Variants in SPTAN1 observed in about 807,000 individuals in gnomAD.
SPTAN1 encodes spectrin alpha chain, non-erythrocytic 1.
A neutral mutation model predicts 331.3 loss-of-function variants in SPTAN1; 61 were observed. The ratio of observed to expected loss-of-function variants is 0.18; its 90% CI spans 0.15 to 0.23. The LOEUF is 0.23. Among genes scored for constraint, SPTAN1 ranks in the 10% least tolerant of loss-of-function variants. The probability of loss-of-function intolerance (pLI) is 1.00; values close to 1 mark genes in which losing one functional copy is unlikely to be tolerated. For missense variants in SPTAN1, 2,043 were observed against 3,147.9 expected, an observed-to-expected ratio of 0.65 and a Z score of 8.40; for synonymous variants, 1,153 against 1,173.9, an observed-to-expected ratio of 0.98 and a Z score of 0.36.
At position 128,575,292 on chromosome 9, in the gene SPTAN1, G is replaced by A; in HGVS notation, c.598G>A (p.Ala200Thr). Reference protein sequence around the residue: ...KFEEFQTDMAAHEERVNEVNQ... With the variant: ...KFEEFQTDMATHEERVNEVNQ... ...TGAAGAGTTTCAAACAGATATGGCT[G>A]CTCATGAAGAAAGAGTTAATGAAGT... Residue 200 changes from alanine to threonine, a missense_variant, in exon 5 of 57, where the codon GCT (alanine) becomes ACT (threonine). Ala to Thr is a moderately conservative substitution (Grantham distance 58, BLOSUM62 0). Transcript: ENST00000372739. The A allele has an allele frequency of 6.2e-7, 1 of 1,614,036 alleles. No individual in the cohort carries two copies. The highest frequency in any genetic ancestry group is 8.5e-7 in the Non-Finnish European group (1 of 1,180,032).
rs1246247993 is a variant in SPTAN1, at chr9:128,583,781, T to C, written c.2012-7T>C. The C allele has an allele frequency of 6.2e-7, 1 of 1,614,202 alleles. No homozygotes were observed. The highest frequency in any genetic ancestry group is 2.2e-5 in the East Asian group (1 of 44,888). The stretch of plus-strand genomic sequence containing the variant: ...CAGTACAAAATTAAACTTGTTTTCT[T>C]CCATAGGAATAAAGCTTCGTGAAGC... On this transcript the variant is annotated splice_region_variant and splice_polypyrimidine_tract_variant and intron_variant, in intron 15 of 56. Coordinates refer to ENST00000372739, the MANE Select transcript of SPTAN1 (RefSeq NM_001130438.3).
chr9:128,630,130 C>G (rs758124433), intron 51 of SPTAN1, 191 bp from the exon 52 acceptor site: 2 of 763,296 alleles, frequency 2.6e-6, no homozygotes, highest in South Asian at 2.7e-5. Flanking sequence ...ATCTCTAAAA[C>G]GGGAGAAATG....
chr9:128,601,370 G>C (rs1426850112), intron 27 of SPTAN1: 1 of 152,090 alleles, frequency 6.6e-6, no homozygotes, highest in Non-Finnish European at 1.5e-5. Flanking sequence ...TCCTGACCCA[G>C]CTCTTCAGGA....
chr9:128,576,434 T>C (rs1290128999), intron 5 of SPTAN1, among the ~76,000 whole-genome samples: 1 of 152,206 alleles, frequency 6.6e-6, no homozygotes, highest in African/African-American at 2.4e-5. Flanking sequence ...CCGAAAATTA[T>C]GTTTATGTGC....
chr9:128,627,977 A>T lies in SPTAN1; in HGVS notation c.6707+35A>T, dbSNP rs751477608. Reference sequence around the variant, plus strand: ...GTTTTCTTCCTTCTCTGGGCTTGTCATGTGGGGGTCTCGTGCGCTTGCCCC... The same window carrying T: ...GTTTTCTTCCTTCTCTGGGCTTGTCTTGTGGGGGTCTCGTGCGCTTGCCCC... On this transcript the variant is annotated intron_variant, in intron 51 of 56. Transcript: ENST00000372739. This position sits in a 1 kb window ranked among gnomAD's most constrained non-coding sequence, Gnocchi z 4.9. 2 of 1,613,890 alleles carry T rather than the reference A, an allele frequency of 1.2e-6. No individual in the cohort carries two copies. The highest frequency in any genetic ancestry group is 1.3e-5 in the African/African-American group (1 of 74,984).
At chr9:128,632,777 C>T in intron 55 of SPTAN1, 31 bp from the exon 56 acceptor site, 1 of 1,614,100 alleles carries the variant, frequency 6.2e-7, no homozygotes, top group Non-Finnish European at 8.5e-7. Flanking sequence ...CCTGCCCTCC[C>T]TGCTCAGGCT....
chr9:128,615,517 C>A, intron 40 of SPTAN1, 115 bp from the exon 41 acceptor site: 1 of 1,043,600 alleles, frequency 9.6e-7, no homozygotes, highest in Non-Finnish European at 1.5e-6. Context: ...GTCCACATAA[C>A]AGACTTTGAG....
At chr9:128,594,099 G>A (rs1853902734) in intron 23 of SPTAN1, 76 bp from the exon 24 acceptor site, 11 of 1,397,646 alleles carry the variant, frequency 7.9e-6, no homozygotes, top group East Asian at 2.3e-5. Context: ...GAGACACCTC[G>A]TGGTTTGCCT....
chr9:128,633,081 G>A (rs1860069995), intron 56 of SPTAN1, 126 bp downstream of exon 56: 5 of 1,592,660 alleles, frequency 3.1e-6, no homozygotes, highest in Non-Finnish European at 4.3e-6. Context: ...ATCAAACTCA[G>A]TATGGACAGA....
chr9:128,578,559 G>A (rs951764643), intron 9 of SPTAN1, among the ~76,000 whole-genome samples: 6 of 152,106 alleles, frequency 3.9e-5, no homozygotes, highest in African/African-American at 1.4e-4. Context: ...GGCCAGGCAC[G>A]GTGGCTTATG....
intron 23 of SPTAN1, chr9:128,593,246 G>A: frequency 1.5e-6 from 1 of 646,312 alleles, no homozygotes; most frequent in South Asian, 1.7e-5. Flanking sequence ...CTCATTGGTT[G>A]CTTCCATGTG....
At chr9:128,553,992 T>C (rs1300155861) in intron 1 of SPTAN1, among the ~76,000 whole-genome samples, 2 of 151,946 alleles carry the variant, frequency 1.3e-5, no homozygotes, top group African/African-American at 4.8e-5. Flanking sequence ...AGCCATTGAG[T>C]CAAGGTTCCG....
chr9:128,615,568 C>A, intron 40 of SPTAN1, 64 bp from the exon 41 acceptor site: 2 of 1,568,894 alleles, frequency 1.3e-6, no homozygotes, highest in African/African-American at 1.3e-5. Context: ...TTCCTGAGTT[C>A]TTATGTTCAA....
chr9:128,592,242 T>G (rs554911638), intron 22 of SPTAN1, among the ~76,000 whole-genome samples: 25 of 151,666 alleles, frequency 1.6e-4, no homozygotes, highest in African/African-American at 5.8e-4. Context: ...ATTCTGTTAC[T>G]ATAGAGATAA....
chr9:128,625,778 G>T lies in SPTAN1; in HGVS notation c.6079G>T (p.Asp2027Tyr). ...QTLLTKQETF[D>Y]AGLQAFQQEG... The stretch of plus-strand genomic sequence containing the variant: ...GTCACTCCTTGTTCAGGAAACTTTT[G>T]ACGCTGGGCTGCAGGCCTTCCAGCA... The change falls in exon 48 of 57, where the codon GAC (aspartate) becomes TAC (tyrosine). Residue 2027 changes from aspartate (D) to tyrosine (Y), a missense_variant. Around this residue, in one of 12 missense-constraint regions of SPTAN1, gnomAD observed 256 missense variants for 376.4 expected, o/e 0.68. Coordinates refer to ENST00000372739, the MANE Select transcript of SPTAN1 (RefSeq NM_001130438.3). The surrounding 1 kb of genome is among the most constrained non-coding windows in gnomAD (Gnocchi z 4.1). 6.2e-7 allele frequency: 1 copy of T among 1,614,022 alleles called. No homozygotes were observed. The highest frequency in any genetic ancestry group is 1.1e-5 in the South Asian group (1 of 91,070).
At position 128,576,959 on chromosome 9, in the gene SPTAN1, G is replaced by A; in HGVS notation, c.785+3G>A. 1 of 1,614,154 alleles carries A rather than the reference G, an allele frequency of 6.2e-7. No homozygotes were observed. The highest frequency in any genetic ancestry group is 1.1e-5 in the South Asian group (1 of 91,086). ...GCAGAAGTTCAGCGCTTTAACAGGT[G>A]TCAAGCCAGAGTGGGCTTTGGGGAA... On this transcript the variant is annotated splice_donor_region_variant and intron_variant, in intron 6 of 56. Transcript: ENST00000372739.
rs746367287 is a variant in SPTAN1, at chr9:128,625,945, G to T, written c.6246G>T (p.Lys2082Asn). ...TGGCCAACTCAGCCGCCCGCAAGAAGAAGCTTCTGGAGGCTCAGAGTCACT... is the reference window on the plus strand; with the variant it reads ...TGGCCAACTCAGCCGCCCGCAAGAATAAGCTTCTGGAGGCTCAGAGTCACT... ...QLLANSAARK[K>N]KLLEAQSHFR... Residue 2082 changes from lysine to asparagine, a missense_variant, in exon 48 of 57, where the codon AAG becomes AAT. This residue lies in a region of SPTAN1 where 256 missense variants were observed against 376.4 expected (regional missense o/e 0.68). Coordinates refer to ENST00000372739, the MANE Select transcript of SPTAN1 (RefSeq NM_001130438.3). This position sits in a 1 kb window ranked among gnomAD's most constrained non-coding sequence, Gnocchi z 4.1. 1 of 1,614,186 alleles carries T rather than the reference G, an allele frequency of 6.2e-7. No individual in the cohort carries two copies. Among genetic ancestry groups the T allele is most frequent in the Admixed American group, 1.7e-5 (1 of 60,024 alleles).
chr9:128,571,437 T>C (rs1776847991), intron 3 of SPTAN1, among the ~76,000 whole-genome samples: 1 of 151,930 alleles, frequency 6.6e-6, no homozygotes, highest in South Asian at 2.1e-4. Flanking sequence ...TACAAAAAAT[T>C]AGCCAAGCGT....
intron 27 of SPTAN1, among the ~76,000 whole-genome samples, chr9:128,602,198 T>G (rs1007738530): frequency 6.6e-6 from 1 of 151,660 alleles, no homozygotes; most frequent in African/African-American, 2.4e-5. Flanking sequence ...TGTTTTTTTT[T>G]TTGTTTTTTT....
Sources: gnomAD v4.1 joint callset for allele counts (sites outside exome capture counted in the v4.1 genomes callset) on GRCh38, gnomAD v4.1.1 for gene constraint, gnomAD v4.1.1 regional missense constraint, Gnocchi (gnomAD v3.1) non-coding constraint, MANE v1.5 for transcripts, NCBI Gene and HGNC (gene_info 2026-07-23, HGNC 2026-07-21) for gene names.